FAM120A: variants seen among roughly 807,000 people sequenced by gnomAD.
FAM120A encodes the protein constitutive coactivator of PPAR-gamma-like protein 1.
FAM120A carries 15 observed loss-of-function variants against 109.7 expected under a neutral mutation model. The ratio of observed to expected loss-of-function variants is 0.14; its 90% CI spans 0.09 to 0.21. The LOEUF (loss-of-function observed/expected upper bound fraction) is 0.21, where lower values mean the gene tolerates loss of function less well. Among genes scored for constraint, FAM120A ranks in the 10% least tolerant of loss-of-function variants. FAM120A has a pLI of 1.00. For synonymous variants in FAM120A, 493 were observed against 572.8 expected (o/e 0.86, Z 1.99); for missense variants, 899 against 1,439.3 (o/e 0.62, Z 6.07).
At chr9:93,492,956 A>C (rs1588836259) in intron 3 of FAM120A, among the ~76,000 whole-genome samples, 1 of 152,264 alleles carries the variant, frequency 6.6e-6, no homozygotes, top group East Asian at 1.9e-4. Context: ...TCTTGGGTGT[A>C]AGCCATCGTC....
Position 93,564,243 on chromosome 9 carries a change from T to C in FAM120A, c.3060T>C (p.Tyr1020=). The change falls in exon 18 of 18, where the codon TAT becomes TAC. Residue 1020 remains tyrosine (Y), a synonymous_variant. Transcript: ENST00000277165. ...NQAAIQGRPP[Y]AASAEEVAKE... ...ATTTTAAACAGGGCAGACCTCCTTATGCTGCTTCAGCAGAAGAAGTGGCCA... is the reference window on the plus strand; with the variant it reads ...ATTTTAAACAGGGCAGACCTCCTTACGCTGCTTCAGCAGAAGAAGTGGCCA... 4.3e-6 allele frequency: 7 copies of C among 1,612,276 alleles called. No homozygotes were observed. Among genetic ancestry groups the C allele is most frequent in the African/African-American group, 2.7e-5 (2 of 75,040 alleles).
intron 12 of FAM120A, among the ~76,000 whole-genome samples, chr9:93,556,105 G>A (rs896141237): frequency 6.6e-6 from 1 of 152,198 alleles, no homozygotes; most frequent in Non-Finnish European, 1.5e-5. Context: ...CTTAAGTACA[G>A]TGTTACTCTA....
At position 93,482,129 on chromosome 9, in the gene FAM120A, G is replaced by A. The variant is rs894913909; in HGVS notation, c.804+5791G>A. ...AGCATTATCTTTCCCTGAGGCACCC[G>A]TATACCGGGGGCAATCTATCAGGCT... On this transcript the variant is annotated intron_variant, in intron 3 of 17. Coordinates refer to ENST00000277165, the MANE Select transcript of FAM120A (RefSeq NM_014612.5). 4.0e-5 allele frequency among the ~76,000 whole-genome samples: 6 copies of A among 150,584 alleles called. No individual in the cohort carries two copies. The East Asian group carries it at 7.8e-4, about 20-fold the overall frequency.
chr9:93,550,461 C>T (rs1862058478), intron 11 of FAM120A, 116 bp from the exon 12 acceptor site: 1 of 699,170 alleles, frequency 1.4e-6, no homozygotes, highest in Non-Finnish European at 2.6e-6. Flanking sequence ...TAAGAAATCA[C>T]ATGGGTCTTC....
At chr9:93,508,185 G>A (rs962537342) in intron 5 of FAM120A, among the ~76,000 whole-genome samples, 1 of 151,946 alleles carries the variant, frequency 6.6e-6, no homozygotes, top group African/African-American at 2.4e-5. Flanking sequence ...TATGTGTAGA[G>A]CAGCCAGGCT....
intron 3 of FAM120A, among the ~76,000 whole-genome samples, chr9:93,496,828 G>T (rs763438808): frequency 6.6e-6 from 1 of 152,162 alleles, no homozygotes; most frequent in Non-Finnish European, 1.5e-5. Flanking sequence ...GTTAACTTAC[G>T]TTTTTCTAGT....
intron 11 of FAM120A, among the ~76,000 whole-genome samples, chr9:93,549,243 G>A (rs1445471633): frequency 6.6e-6 from 1 of 152,164 alleles, no homozygotes; most frequent in Non-Finnish European, 1.5e-5. Flanking sequence ...AACATTTGCT[G>A]TTTGTTCTCC....
intron 5 of FAM120A, among the ~76,000 whole-genome samples, chr9:93,499,532 C>T (rs187709417): frequency 1.5e-4 from 23 of 152,190 alleles, no homozygotes; most frequent in Admixed American, 6.5e-4. Context: ...AAGCGATCTG[C>T]CCATCTCAGC....
chr9:93,508,751 CCCTGACTTTT>C (rs1164694761), intron 5 of FAM120A, among the ~76,000 whole-genome samples: 1 of 152,172 alleles, frequency 6.6e-6, no homozygotes, highest in Non-Finnish European at 1.5e-5. Context: ...CCTGCTGCTC[CCCTGACTTTT>C]CCATAGAATA....
At chr9:93,537,329 TTTTA>T (rs2131496523) in intron 10 of FAM120A, among the ~76,000 whole-genome samples, 1 of 152,304 alleles carries the variant, frequency 6.6e-6, no homozygotes, top group East Asian at 1.9e-4. Context: ...AAGGCCTACA[TTTTA>T]AAAGATTGTA....
rs1466679293 is a variant in FAM120A at position 93,452,070 on chromosome 9, A to G, written c.155A>G (p.Asn52Ser). 1.2e-6 allele frequency: 2 copies of G among 1,600,142 alleles called. No homozygotes were observed. Among genetic ancestry groups the G allele is most frequent in the Non-Finnish European group, 1.7e-6 (2 of 1,174,384 alleles). ...CTGCGCCTGCTGGTGGACGCCGACA[A>G]CTGCCTGCACCGCCTCTACGGCGGC... ...TPLRLLVDAD[N>S]CLHRLYGGFY... The change falls in exon 1 of 18, where the codon AAC becomes AGC. Residue 52 changes from asparagine (N) to serine (S), a missense_variant. This residue lies in a region of FAM120A where 258 missense variants were observed against 451.4 expected (regional missense o/e 0.57). Coordinates refer to ENST00000277165, the MANE Select transcript of FAM120A (RefSeq NM_014612.5). The surrounding 1 kb of genome is among the most constrained non-coding windows in gnomAD (Gnocchi z 7.0).
chr9:93,464,194 A>G (rs1165614195), intron 1 of FAM120A, among the ~76,000 whole-genome samples: 1 of 152,224 alleles, frequency 6.6e-6, no homozygotes, highest in African/African-American at 2.4e-5. Flanking sequence ...GAATTAATAA[A>G]CAATTATACT....
At chr9:93,491,226 T>G (rs1859298763) in intron 3 of FAM120A, among the ~76,000 whole-genome samples, 2 of 152,150 alleles carry the variant, frequency 1.3e-5, no homozygotes, top group South Asian at 4.1e-4. Flanking sequence ...GATTGCAGCC[T>G]CTTGGAGGTT....
chr9:93,542,916 A>T (rs1450483131), intron 10 of FAM120A, among the ~76,000 whole-genome samples: 1 of 152,254 alleles, frequency 6.6e-6, no homozygotes, highest in Non-Finnish European at 1.5e-5. Flanking sequence ...AAATATTAAA[A>T]TGGATTTTGT....
intron 1 of FAM120A, among the ~76,000 whole-genome samples, chr9:93,461,065 T>A (rs1564305979): frequency 6.6e-6 from 1 of 152,232 alleles, no homozygotes; most frequent in Non-Finnish European, 1.5e-5. Context: ...CTTGACCCAC[T>A]GCAGTATTTG....
At position 93,543,966 on chromosome 9, in the gene FAM120A, A is replaced by AT. The variant is rs1564354637; in HGVS notation, c.2159+498dup. Reference sequence around the variant, plus strand: ...TAGAGTATATACAAACACGGCGAGTATTTGTGTATCTAAATGTGAAAAAGG... The same window carrying AT: ...TAGAGTATATACAAACACGGCGAGTATTTTGTGTATCTAAATGTGAAAAAGG... On this transcript the variant is annotated intron_variant, in intron 11 of 17. Transcript: ENST00000277165. Among the ~76,000 whole-genome samples, 12 of 152,298 alleles carry AT rather than the reference A, an allele frequency of 7.9e-5. No individual in the cohort carries two copies. The South Asian group carries it at 2.5e-3, about 32-fold the overall frequency.
At chr9:93,468,027 G>A (rs1317729297) in intron 1 of FAM120A, among the ~76,000 whole-genome samples, 1 of 151,886 alleles carries the variant, frequency 6.6e-6, no homozygotes, top group Non-Finnish European at 1.5e-5. Flanking sequence ...GATTATAGGC[G>A]CCCGCCACCA....
At chr9:93,511,778 A>G (rs1044754785) in intron 5 of FAM120A, among the ~76,000 whole-genome samples, 36 of 152,184 alleles carry the variant, frequency 2.4e-4, no homozygotes, top group Non-Finnish European at 5.1e-4. Context: ...CTTGAAAATC[A>G]TACAATGTCT....
At chr9:93,564,177 C>T in intron 17 of FAM120A, 52 bp from the exon 18 acceptor site, 1 of 1,560,074 alleles carries the variant, frequency 6.4e-7, no homozygotes. Context: ...CATCCTCTCT[C>T]TTCTGTTTAT....
Sources: gnomAD v4.1 joint callset for allele counts (sites outside exome capture counted in the v4.1 genomes callset) on GRCh38, gnomAD v4.1.1 for gene constraint, gnomAD v4.1.1 regional missense constraint, Gnocchi (gnomAD v3.1) non-coding constraint, MANE v1.5 for transcripts, NCBI Gene and HGNC (gene_info 2026-07-23, HGNC 2026-07-21) for gene names.